Variants in CELF2 observed in about 807,000 individuals in gnomAD.
The protein encoded by CELF2 is CUGBP Elav-like family member 2.
A neutral mutation model predicts 62.6 loss-of-function variants in CELF2; 8 were observed. The observed-to-expected ratio is 0.13, with a 90% CI of 0.07 to 0.23. The LOEUF (loss-of-function observed/expected upper bound fraction) is 0.23. CELF2 is among the 10% of genes least tolerant of loss of function. The pLI is 1.00. For synonymous variants in CELF2, 258 were observed against 250.0 expected (o/e 1.03, Z -0.30); for missense variants, 333 against 671.0 (o/e 0.50, Z 5.56).
intron 1 of CELF2, among the ~76,000 whole-genome samples, chr10:10,915,110 C>T (rs1245698525): frequency 2.8e-5 from 4 of 141,058 alleles, no homozygotes; most frequent in Non-Finnish European, 4.5e-5. Context: ...CCAGCGTGGG[C>T]GACAGAGTGA....
intron 7 of CELF2, among the ~76,000 whole-genome samples, chr10:11,273,296 G>C (rs376772789): frequency 6.6e-6 from 1 of 152,078 alleles, no homozygotes; most frequent in Non-Finnish European, 1.5e-5. Context: ...GCGAGAGAGC[G>C]TTACTGCCTG....
the CELF2 span, among the ~76,000 whole-genome samples, chr10:10,592,408 C>T: frequency 3.3e-5 from 5 of 152,132 alleles, no homozygotes; most frequent in Non-Finnish European, 4.4e-5. Context: ...CTATTTTAAA[C>T]GCTTGAACAA....
chr10:11,077,225 G>T (rs1045062722), intron 1 of CELF2, among the ~76,000 whole-genome samples: 1 of 152,204 alleles, frequency 6.6e-6, no homozygotes, highest in Non-Finnish European at 1.5e-5. Flanking sequence ...AACCAAGTGT[G>T]CACATAGGGA....
chr10:10,643,994 G>A, the CELF2 span, among the ~76,000 whole-genome samples: 3 of 152,136 alleles, frequency 2.0e-5, no homozygotes, highest in Non-Finnish European at 1.5e-5. Flanking sequence ...CAGCCCTAAG[G>A]TAAAAATGCA....
the CELF2 span, among the ~76,000 whole-genome samples, chr10:10,588,942 A>T: frequency 6.6e-6 from 1 of 152,200 alleles, no homozygotes; most frequent in Non-Finnish European, 1.5e-5. Flanking sequence ...CCTATAAAAC[A>T]AAGAGTGTCT....
At chr10:10,711,634 C>A in the CELF2 span, among the ~76,000 whole-genome samples, 1 of 152,140 alleles carries the variant, frequency 6.6e-6, no homozygotes, top group African/African-American at 2.4e-5. Context: ...GTAATCCTAG[C>A]ATTTTGGGAG....
the CELF2 span, among the ~76,000 whole-genome samples, chr10:10,573,866 A>G: frequency 3.3e-5 from 5 of 152,104 alleles, no homozygotes; most frequent in Non-Finnish European, 7.3e-5. Context: ...GAACTATAAG[A>G]CCAAGCCCCT....
At chr10:10,652,858 A>T in the CELF2 span, among the ~76,000 whole-genome samples, 1 of 152,172 alleles carries the variant, frequency 6.6e-6, no homozygotes, top group Non-Finnish European at 1.5e-5. Context: ...ACAGGATCAA[A>T]TTCACACATA....
chr10:11,327,208 T>A, intron 12 of CELF2, among the ~76,000 whole-genome samples: 1 of 135,326 alleles, frequency 7.4e-6, no homozygotes, highest in East Asian at 2.5e-4. Flanking sequence ...GGCGGGGGGG[T>A]GTGTCTGAGC....
chr10:11,283,340 C>G (rs558742163), intron 8 of CELF2, among the ~76,000 whole-genome samples: 21 of 152,230 alleles, frequency 1.4e-4, no homozygotes, highest in Non-Finnish European at 2.9e-4. Flanking sequence ...CTCTGATATC[C>G]AGCAATCTGC....
At chr10:11,104,560 T>C (rs543553920) in intron 1 of CELF2, among the ~76,000 whole-genome samples, 2 of 152,242 alleles carry the variant, frequency 1.3e-5, no homozygotes, top group African/African-American at 4.8e-5. Flanking sequence ...TGTGTGCCTA[T>C]AGACCCAGCT....
intron 2 of CELF2, among the ~76,000 whole-genome samples, chr10:11,180,909 G>A (rs932923148): frequency 6.6e-6 from 1 of 152,152 alleles, no homozygotes; most frequent in Non-Finnish European, 1.5e-5. Flanking sequence ...TTGCTTTGTT[G>A]CCCAGGCTGG....
chr10:10,830,792 C>T (rs1351031961), intron 1 of CELF2, among the ~76,000 whole-genome samples: 1 of 152,132 alleles, frequency 6.6e-6, no homozygotes, highest in Non-Finnish European at 1.5e-5. Flanking sequence ...CAACTGCATA[C>T]TTCCTGTGTG....
At chr10:11,320,825 GGT>G (rs2095397723) in intron 10 of CELF2, 2 of 1,199,080 alleles carry the variant, frequency 1.7e-6, no homozygotes, top group Non-Finnish European at 1.2e-6. Context: ...CTGCTACTAA[GGT>G]TTTTTTTTTT....
intron 1 of CELF2, among the ~76,000 whole-genome samples, chr10:10,866,031 G>A (rs975455138): frequency 1.3e-5 from 2 of 152,032 alleles, no homozygotes; most frequent in Non-Finnish European, 2.9e-5. Context: ...CCTGGTCCTC[G>A]GGCTTTCATG....
At chr10:10,841,388 T>C (rs192893401) in intron 1 of CELF2, among the ~76,000 whole-genome samples, 43 of 151,756 alleles carry the variant, frequency 2.8e-4, no homozygotes, top group African/African-American at 9.9e-4. Flanking sequence ...AAGTTATATA[T>C]AGATTTTCTT....
chr10:10,508,756 C>T, the CELF2 span, among the ~76,000 whole-genome samples: 1 of 150,254 alleles, frequency 6.7e-6, no homozygotes, highest in Non-Finnish European at 1.5e-5. Flanking sequence ...GGCTGGAATG[C>T]AATGGCGTGA....
Position 11,195,867 on chromosome 10 carries a change from A to G in CELF2, c.272-21558A>G, listed in dbSNP as rs904106291. Reference sequence around the variant, plus strand: ...AGCAATGCCGAAGAGTGGGTGGACAAATAGCCTTATTATTAACCTAAGTTG... The same window carrying G: ...AGCAATGCCGAAGAGTGGGTGGACAGATAGCCTTATTATTAACCTAAGTTG... On this transcript the variant is annotated intron_variant, in intron 2 of 12. Coordinates refer to ENST00000633077, the MANE Select transcript of CELF2 (RefSeq NM_001326342.2). 2.0e-5 allele frequency among the ~76,000 whole-genome samples: 3 copies of G among 152,322 alleles called. No individual in the cohort carries two copies. The South Asian group carries it at 6.2e-4, about 32-fold the overall frequency.
intron 1 of CELF2, among the ~76,000 whole-genome samples, chr10:11,137,053 A>G (rs1228211015): frequency 6.6e-6 from 1 of 152,222 alleles, no homozygotes; most frequent in Admixed American, 6.5e-5. Context: ...ATGTGACTAT[A>G]TGGCATATAT....
Sources: allele counts gnomAD v4.1 joint callset (sites outside exome capture counted in the v4.1 genomes callset), GRCh38; gene constraint gnomAD v4.1.1; transcripts MANE v1.5; gene names NCBI Gene and HGNC (gene_info 2026-07-23, HGNC 2026-07-21).